The following TBC1D20 variants were observed in gnomAD, a reference collection of about 807,000 sequenced individuals.
TBC1D20 encodes chromosome 20 open reading frame 140.
Under a neutral mutation model 41.6 loss-of-function variants are expected in TBC1D20, and 12 were observed. That is an observed-to-expected ratio of 0.29 (90% CI 0.18 to 0.47). The LOEUF is 0.47. TBC1D20 is among the 20% of genes least tolerant of loss of function. The pLI, the probability that TBC1D20 is intolerant of heterozygous loss-of-function variation, is 1.00. For synonymous variants in TBC1D20, 205 were observed against 204.8 expected (o/e 1.00, Z -0.01); for missense variants, 421 against 517.4 (o/e 0.81, Z 1.81).
At chr20:457,999 C>T (rs897103920) in intron 1 of TBC1D20, among the ~76,000 whole-genome samples, 1 of 152,128 alleles carries the variant, frequency 6.6e-6, no homozygotes, top group Non-Finnish European at 1.5e-5. Context: ...CACAAATTGA[C>T]AGCACTTGAG....
intron 1 of TBC1D20, among the ~76,000 whole-genome samples, chr20:451,463 G>A (rs1302828518): frequency 2.0e-5 from 3 of 152,030 alleles, no homozygotes; most frequent in African/African-American, 4.8e-5. Flanking sequence ...CAGGAGAATC[G>A]CTTGAACCTG....
chr20:457,087 C>G (rs145886802), intron 1 of TBC1D20, among the ~76,000 whole-genome samples: 1 of 151,904 alleles, frequency 6.6e-6, no homozygotes, highest in African/African-American at 2.4e-5. Flanking sequence ...CAGGCATGCA[C>G]CACCATGCCT....
chr20:441,602 A>G lies in TBC1D20; in HGVS notation c.612T>C (p.His204=). Residue 204 remains histidine (H), a synonymous_variant, in exon 5 of 8, where the codon CAT becomes CAC. Transcript: ENST00000354200. ...CACATATGTACCTCTGCATGAAGTC[A>G]TGGAGCTCTGGATTCACCTGGTCAA... is the stretch of plus-strand genomic sequence containing the variant. ...PIIDQVNPEL[H]DFMQSAEVGT... is the part of the protein sequence containing the mutation. The G allele has an allele frequency of 6.2e-7, 1 of 1,614,130 alleles. No individual in the cohort carries two copies. The highest frequency in any genetic ancestry group is 8.5e-7 in the Non-Finnish European group (1 of 1,179,990).
In TBC1D20 at chr20:444,776, T is replaced by C. The variant is rs368238859; in HGVS notation, c.337+274A>G. On this transcript the variant is annotated intron_variant, in intron 3 of 7. Coordinates refer to ENST00000354200, the MANE Select transcript of TBC1D20 (RefSeq NM_144628.4). ...AATCTGCTCTTTAATGCCAGACTGA[T>C]GGCTCTAACAATCCTTATTAACTCC... 5.3e-5 allele frequency among the ~76,000 whole-genome samples: 8 copies of C among 152,302 alleles called. No individual in the cohort carries two copies. In the East Asian group the frequency reaches 1.2e-3, roughly 22 times the overall value.
chr20:459,803 T>C (rs1468424508), intron 1 of TBC1D20, among the ~76,000 whole-genome samples: 2 of 152,178 alleles, frequency 1.3e-5, no homozygotes, highest in Admixed American at 1.3e-4. Flanking sequence ...ACACTTCATC[T>C]GAACTGTGGT....
At chr20:448,219 C>A (rs2017374580) in intron 1 of TBC1D20, 145 bp from the exon 2 acceptor site, 1 of 585,684 alleles carries the variant, frequency 1.7e-6, no homozygotes, top group African/African-American at 1.9e-5. Flanking sequence ...AGTCTCACAG[C>A]CAGATGCACT....
intron 7 of TBC1D20, 78 bp from the exon 8 acceptor site, chr20:438,919 G>A (rs935783978): frequency 4.1e-5 from 63 of 1,554,632 alleles, no homozygotes; most frequent in East Asian, 9.0e-5. Context: ...CATAGGCTGC[G>A]GGCAGAGCCT....
At chr20:445,021 A>T (rs2017304811) in intron 3 of TBC1D20, 29 bp downstream of exon 3, 1 of 1,581,788 alleles carries the variant, frequency 6.3e-7, no homozygotes. Context: ...AGTCTTTCCA[A>T]ATGTGGCAGG....
At chr20:450,575 C>G (rs1046662806) in intron 1 of TBC1D20, 13 of 152,108 alleles carry the variant, frequency 8.5e-5, no homozygotes, top group Non-Finnish European at 1.5e-5. Context: ...TCTTAAAAAC[C>G]ATAGTAAGTA....
chr20:438,575 T>C lies in TBC1D20; in HGVS notation c.*11A>G. The C allele has an allele frequency of 6.2e-7, 1 of 1,613,086 alleles. No individual in the cohort carries two copies. The highest frequency in any genetic ancestry group is 1.1e-5 in the South Asian group (1 of 91,072). On this transcript the variant is annotated 3_prime_UTR_variant, in exon 8 of 8. Transcript: ENST00000354200. ...CTTAATGTGATGTAAGAGGAAGGTC[T>C]TCTCTGGCTTTCAGGGAAACAGCTG...
intron 2 of TBC1D20, among the ~76,000 whole-genome samples, chr20:447,527 G>A (rs1291768655): frequency 9.9e-5 from 15 of 151,822 alleles, no homozygotes; most frequent in African/African-American, 2.9e-4. Context: ...GCATGGTAGC[G>A]CATGTCTGTA....
rs2017110264 is a variant in TBC1D20, at chr20:435,949, C to CA, written c.*2636dup. On this transcript the variant is annotated 3_prime_UTR_variant, in exon 8 of 8. Transcript: ENST00000354200. ...AAATGGGGCAGGAGAAGGTCACAGA[C>CA]AGAGATTCCGTTTTCTGAGGCCTGC... 1 of 152,320 alleles carries CA rather than the reference C, an allele frequency of 6.6e-6. No homozygotes were observed. The highest frequency in any genetic ancestry group is 1.9e-4 in the East Asian group (1 of 5,200). The allele number at this position is 152,320 out of a possible 1,614,324, so 9.4% of individuals were successfully genotyped here.
intron 1 of TBC1D20, among the ~76,000 whole-genome samples, chr20:459,916 T>C (rs777212461): frequency 5.3e-5 from 8 of 152,164 alleles, no homozygotes; most frequent in Non-Finnish European, 1.2e-4. Flanking sequence ...CTCAGAGTAA[T>C]AGGCATGTCC....
intron 1 of TBC1D20, among the ~76,000 whole-genome samples, chr20:449,977 T>C (rs559498283): frequency 1.3e-5 from 2 of 152,334 alleles, no homozygotes; most frequent in African/African-American, 4.8e-5. Context: ...TGTCCATTCT[T>C]AATTCCCAAA....
At chr20:447,424 G>A (rs1434211490) in intron 2 of TBC1D20, among the ~76,000 whole-genome samples, 15 of 152,040 alleles carry the variant, frequency 9.9e-5, no homozygotes, top group African/African-American at 1.2e-4. Flanking sequence ...TTGGGAGGCC[G>A]AAGCAGGCTG....
In TBC1D20 at chr20:462,323, T is replaced by C; in HGVS notation, c.70+13A>G. 3 of 1,287,652 alleles carry C rather than the reference T, an allele frequency of 2.3e-6. No homozygotes were observed. Among genetic ancestry groups the C allele is most frequent in the East Asian group, 3.7e-5 (1 of 27,100 alleles). 79.8% of individuals were successfully genotyped at this position (1,287,652 alleles called of 1,614,324 possible). A position where few individuals can be genotyped will look rare whatever the true frequency, so the allele number is the denominator to read the frequency against. The stretch of plus-strand genomic sequence containing the variant: ...TCGCAGGCCGCTCCCGGCGCCCCGG[T>C]CGGCTTCCGTACCTGCCTTCTCCGC... On this transcript the variant is annotated intron_variant, in intron 1 of 7. Transcript: ENST00000354200.
rs2017202895 is a variant in TBC1D20 at position 440,291 on chromosome 20, A to G, written c.725T>C (p.Phe242Ser). 1 of 1,613,964 alleles carries G rather than the reference A, an allele frequency of 6.2e-7. No homozygotes were observed. Among genetic ancestry groups the G allele is most frequent in the Admixed American group, 1.7e-5 (1 of 59,968 alleles). ...FRHVVRLYDF[F>S]LACHPLMPIY... ...CGGCATCAGTGGGTGGCAGGCCAGG[A>G]AGAAGTCATATAACCGCACGACGTG... Residue 242 changes from phenylalanine to serine, a missense_variant, in exon 6 of 8, where the codon TTC (phenylalanine) becomes TCC (serine). Transcript: ENST00000354200.
chr20:462,399 G>T lies in TBC1D20; in HGVS notation c.7C>A (p.Leu3Ile). 1 of 1,267,026 alleles carries T rather than the reference G, an allele frequency of 7.9e-7. No individual in the cohort carries two copies. Among genetic ancestry groups the T allele is most frequent in the South Asian group, 2.2e-5 (1 of 44,882 alleles). The allele number at this position is 1,267,026 out of a possible 1,614,324, so 78.5% of individuals were successfully genotyped here. ...GGGCCGTCGCCCTGCGCACTCCGGA[G>T]GGCCATGCCCCGGGGCCCCGGGCCC... is the stretch of plus-strand genomic sequence containing the variant. Reference protein sequence around the residue: MALRSAQGDGPTS... With the variant: MAIRSAQGDGPTS... Residue 3 changes from leucine (L) to isoleucine (I), a missense_variant, in exon 1 of 8, where the codon CTC (leucine) becomes ATC (isoleucine). Physicochemically the swap from Leu to Ile is conservative, Grantham distance 5. Around this residue, in one of 3 missense-constraint regions of TBC1D20, gnomAD observed 150 missense variants for 151.3 expected, o/e 0.99. Coordinates refer to ENST00000354200, the MANE Select transcript of TBC1D20 (RefSeq NM_144628.4).
chr20:458,121 T>A (rs1221542580), intron 1 of TBC1D20, among the ~76,000 whole-genome samples: 1 of 151,970 alleles, frequency 6.6e-6, no homozygotes, highest in African/African-American at 2.4e-5. Context: ...ATCCACCCCA[T>A]CTCTCTTTCT....
Sources: allele counts gnomAD v4.1 joint callset (sites outside exome capture counted in the v4.1 genomes callset), GRCh38; gene constraint gnomAD v4.1.1; regional missense constraint gnomAD v4.1.1; transcripts MANE v1.5; gene names NCBI Gene and HGNC (gene_info 2026-07-23, HGNC 2026-07-21).